The following ERI2 variants were observed in gnomAD, a reference collection of about 807,000 sequenced individuals.
The protein encoded by ERI2 is ERI1 exoribonuclease family member 2.
Under a neutral mutation model 46.8 loss-of-function variants are expected in ERI2, and 35 were observed. That is an observed-to-expected ratio of 0.75 (90% CI 0.57 to 0.99). ERI2 has a LOEUF of 0.99. ERI2 is among the 50% of genes least tolerant of loss of function. ERI2 has a pLI of 0.00. For synonymous variants in ERI2, 224 were observed against 271.0 expected (o/e 0.83, Z 1.70); for missense variants, 695 against 796.2 (o/e 0.87, Z 1.53).
downstream of ERI2, among the ~76,000 whole-genome samples, chr16:20,795,002 CACTT>C (rs1002847630): frequency 6.6e-6 from 1 of 152,192 alleles, no homozygotes; most frequent in African/African-American, 2.4e-5. Flanking sequence ...TTGAATGACT[CACTT>C]ACAACAAGCA....
At chr16:20,803,582 G>C in intron 2 of ERI2, 21 bp downstream of exon 2, 1 of 1,614,064 alleles carries the variant, frequency 6.2e-7, no homozygotes, top group Non-Finnish European at 8.5e-7. Flanking sequence ...AAAATGCAAA[G>C]AAACTAAGCA....
In ERI2 at chr16:20,797,651, T is replaced by C. The variant is rs1265180762; in HGVS notation, c.*73A>G. ...ATTAATATATAAAATAAAAATAAAA[T>C]AGTGTAAGATGTTATCAGAATACTC... On this transcript the variant is annotated 3_prime_UTR_variant, in exon 9 of 9. Coordinates refer to ENST00000357967, the MANE Select transcript of ERI2 (RefSeq NM_001142725.2). The C allele has an allele frequency of 3.6e-6, 5 of 1,384,916 alleles. No homozygotes were observed. The highest frequency in any genetic ancestry group is 4.7e-6 in the Non-Finnish European group (5 of 1,066,554). 85.8% of individuals were successfully genotyped at this position (1,384,916 alleles called of 1,614,324 possible).
In ERI2 at chr16:20,790,956, C is replaced by T; in HGVS notation, c.733-24G>A. On this transcript the variant is annotated intron_variant, in intron 8 of 10. Transcript: ENST00000300005. The surrounding 1 kb of genome is among the most constrained non-coding windows in gnomAD (Gnocchi z 4.0). ...CCCTAGAAAGAGGACAGCCTCTTAA[C>T]ATCCCCTGATCCTCTCAATTATCAA... is the stretch of plus-strand genomic sequence containing the variant. The T allele has an allele frequency of 6.2e-7, 1 of 1,610,848 alleles. No homozygotes were observed. The highest frequency in any genetic ancestry group is 1.3e-5 in the African/African-American group (1 of 74,888).
In ERI2 at chr16:20,790,912, C is replaced by G. The variant is rs547325608; in HGVS notation, c.753G>C (p.Ser251=). Residue 251 remains serine (S), a synonymous_variant, in exon 9 of 11, where the codon TCG becomes TCC. Coordinates refer to the ERI2 transcript ENST00000300005. This position sits in a 1 kb window ranked among gnomAD's most constrained non-coding sequence, Gnocchi z 4.0. Reference sequence around the variant, plus strand: ...AGGCCAGATCACTGTTCCAGGTCCACGAAGGCAAGAGGAAGGGACCCTAGA... The same window carrying G: ...AGGCCAGATCACTGTTCCAGGTCCAGGAAGGCAAGAGGAAGGGACCCTAGA... 8.1e-6 allele frequency: 13 copies of G among 1,613,916 alleles called. No homozygotes were observed. Among genetic ancestry groups the G allele is most frequent in the Non-Finnish European group, 1.1e-5 (13 of 1,179,940 alleles).
chr16:20,788,398 C>T (rs2080521453), intron 10 of ERI2, among the ~76,000 whole-genome samples: 1 of 152,356 alleles, frequency 6.6e-6, no homozygotes, highest in South Asian at 2.1e-4. Flanking sequence ...CCCCCACCTG[C>T]TCCCCATTAA....
rs761653127 is a variant in ERI2 at position 20,799,950 on chromosome 16, T to C, written c.643+7A>G. The C allele has an allele frequency of 1.9e-6, 3 of 1,553,974 alleles. No homozygotes were observed. The highest frequency in any genetic ancestry group is 1.8e-5 in the Admixed American group (1 of 57,064). On this transcript the variant is annotated splice_region_variant and intron_variant, in intron 7 of 8. Coordinates refer to ENST00000357967, the MANE Select transcript of ERI2 (RefSeq NM_001142725.2). ...AATGGCTTACATAATTTTTAATGTA[T>C]ACTAACCAGAATGTTCTCGTCCTGA...
In ERI2 at chr16:20,800,285, C is replaced by A. The variant is rs752718173; in HGVS notation, c.561+17G>T. On this transcript the variant is annotated intron_variant, in intron 6 of 8. Transcript: ENST00000357967. ...TCCATAGAAAAAAGTAAACATGCCC[C>A]CATTTTTTACCATTACCTTGTAAGT... 9.2e-6 allele frequency: 14 copies of A among 1,529,974 alleles called. No individual in the cohort carries two copies. The highest frequency in any genetic ancestry group is 1.3e-5 in the Non-Finnish European group (14 of 1,110,582). 94.8% of individuals were successfully genotyped at this position (1,529,974 alleles called of 1,614,324 possible). A position where few individuals can be genotyped will look rare whatever the true frequency, so the allele number is the denominator to read the frequency against.
At chr16:20,802,060 C>T (rs1339924448) in intron 4 of ERI2, among the ~76,000 whole-genome samples, 3 of 148,158 alleles carry the variant, frequency 2.0e-5, no homozygotes, top group Non-Finnish European at 3.0e-5. Context: ...CTTTTTAAAT[C>T]GAGTCCTGAG....
At position 20,790,529 on chromosome 16, in the gene ERI2, T is replaced by C. The variant is rs1347362459; in HGVS notation, c.815+321A>G. ...CAAAATAAAACTTGCAAAGTTAATA[T>C]TTAAGCTGCGACATTAAACAAAAAT... On this transcript the variant is annotated intron_variant, in intron 9 of 10. Coordinates refer to the ERI2 transcript ENST00000300005. The surrounding 1 kb of genome is among the most constrained non-coding windows in gnomAD (Gnocchi z 4.0). 5 of 1,501,562 alleles carry C rather than the reference T, an allele frequency of 3.3e-6. No individual in the cohort carries two copies. The East Asian group carries it at 9.1e-5, about 27-fold the overall frequency. 93.0% of individuals were successfully genotyped at this position (1,501,562 alleles called of 1,614,324 possible).
chr16:20,784,793 CTTTATT>C (rs1372495783), intron 10 of ERI2, among the ~76,000 whole-genome samples: 8 of 151,818 alleles, frequency 5.3e-5, no homozygotes, highest in Admixed American at 5.3e-4. Flanking sequence ...TTTTTAATAT[CTTTATT>C]TTTAATTTGT....
chr16:20,802,673 A>G (rs1244318376), intron 4 of ERI2, 123 bp downstream of exon 4: 38 of 1,176,560 alleles, frequency 3.2e-5, no homozygotes, highest in Non-Finnish European at 3.1e-5. Flanking sequence ...TCAGCCTGCA[A>G]AGTGCTGGGA....
In ERI2 at chr16:20,797,067, T is replaced by C. The variant is rs2080737278; in HGVS notation, c.*657A>G. 1.3e-6 allele frequency: 2 copies of C among 1,486,334 alleles called. No homozygotes were observed. Among genetic ancestry groups the C allele is most frequent in the Non-Finnish European group, 1.8e-6 (2 of 1,124,032 alleles). 92.1% of individuals were successfully genotyped at this position (1,486,334 alleles called of 1,614,324 possible). Reference sequence around the variant, plus strand: ...GATGGAGAGGTCATAAAAACTGTGGTAGTATGCTTAGAAACTGTTGATTTA... The same window carrying C: ...GATGGAGAGGTCATAAAAACTGTGGCAGTATGCTTAGAAACTGTTGATTTA... On this transcript the variant is annotated 3_prime_UTR_variant, in exon 9 of 9. Transcript: ENST00000357967.
chr16:20,789,440 T>A (rs1280857292), intron 10 of ERI2: 1 of 1,422,188 alleles, frequency 7.0e-7, no homozygotes, highest in Non-Finnish European at 9.9e-7. Context: ...TGATGAGGAT[T>A]GGAGAGAGGG....
intron 10 of ERI2, chr16:20,785,084 G>A (rs538407351): frequency 1.6e-5 from 26 of 1,613,336 alleles, no homozygotes; most frequent in South Asian, 9.9e-5. Context: ...GGATATCTAC[G>A]AAGGATATGG....
rs2080576179 is a variant in ERI2, at chr16:20,790,611, C to G, written c.815+239G>C. 4 of 1,613,984 alleles carry G rather than the reference C, an allele frequency of 2.5e-6. No individual in the cohort carries two copies. Among genetic ancestry groups the G allele is most frequent in the African/African-American group, 1.3e-5 (1 of 74,946 alleles). ...GATTGTAGATGTAAATGGCAATGTT[C>G]TACCTCCTGGACAAGAAGGAGATAT... On this transcript the variant is annotated intron_variant, in intron 9 of 10. Transcript: ENST00000300005. The surrounding 1 kb of genome is among the most constrained non-coding windows in gnomAD (Gnocchi z 4.0).
chr16:20,782,208 C>A (rs1040970828), intron 10 of ERI2, among the ~76,000 whole-genome samples: 6 of 152,172 alleles, frequency 3.9e-5, no homozygotes, highest in East Asian at 3.8e-4. Flanking sequence ...AGAAAAACAA[C>A]CCCCGTTTCT....
In ERI2 at chr16:20,803,632, G is replaced by C. The variant is rs748604615; in HGVS notation, c.62C>G (p.Ala21Gly). The change falls in exon 2 of 9, where the codon GCA (alanine) becomes GGA (glycine). Residue 21 changes from alanine to glycine, a missense_variant. Physicochemically the swap from Ala to Gly is moderately conservative, Grantham distance 60. Coordinates refer to ENST00000357967, the MANE Select transcript of ERI2 (RefSeq NM_001142725.2). ...GLIRRKSIAP[A>G]NGNLGRSKSK... ...TTTGCTTCTTCCGAGATTTCCATTT[G>C]CTGGCGCAATTGACTTTCTCCTAAT... 2.5e-5 allele frequency: 40 copies of C among 1,613,984 alleles called. 1 individual carries two copies. The South Asian group carries it at 3.8e-4, about 16-fold the overall frequency.
intron 1 of ERI2, chr16:20,805,835 A>C (rs1396101772): frequency 2.3e-5 from 10 of 433,946 alleles, no homozygotes; most frequent in Non-Finnish European, 3.1e-5. Flanking sequence ...GTCCCGTTCC[A>C]GCCAAAGGAA....
chr16:20,792,374 G>T (rs758241220), downstream of ERI2: 3 of 1,607,928 alleles, frequency 1.9e-6, no homozygotes, highest in Non-Finnish European at 2.6e-6. Flanking sequence ...TAATTTGTTG[G>T]CAATTTAACA....
Sources: allele counts gnomAD v4.1 joint callset (sites outside exome capture counted in the v4.1 genomes callset), GRCh38; gene constraint gnomAD v4.1.1; non-coding constraint Gnocchi (gnomAD v3.1); transcripts MANE v1.5; gene names NCBI Gene and HGNC (gene_info 2026-07-23, HGNC 2026-07-21).